NELL1: variants seen among roughly 807,000 people sequenced by gnomAD.
NELL1 encodes the protein neural EGFL like 1.
Under a neutral mutation model 107.4 loss-of-function variants are expected in NELL1, and 76 were observed. The observed-to-expected ratio is 0.71, with a 90% CI of 0.59 to 0.86. The LOEUF (loss-of-function observed/expected upper bound fraction) is 0.86. Ranked by LOEUF, NELL1 falls within the 40% of genes least tolerant of loss-of-function variation. The probability of loss-of-function intolerance (pLI) is 0.00; values close to 1 mark genes in which losing one functional copy is unlikely to be tolerated. For missense variants in NELL1, 1,024 were observed against 1,005.5 expected (o/e 1.02, Z -0.25); for synonymous variants, 353 against 341.2 (o/e 1.03, Z -0.38).
At chr11:21,333,758 A>C (rs1396401688) in intron 14 of NELL1, among the ~76,000 whole-genome samples, 1 of 152,022 alleles carries the variant, frequency 6.6e-6, no homozygotes, top group Non-Finnish European at 1.5e-5. Flanking sequence ...TTCCTTGTCC[A>C]GTAAGTGACT....
intron 12 of NELL1, among the ~76,000 whole-genome samples, chr11:20,971,287 C>G (rs559764518): frequency 3.9e-5 from 6 of 151,976 alleles, no homozygotes; most frequent in African/African-American, 1.4e-4. Context: ...CCTTGAAAGA[C>G]ATTATGCATA....
intron 13 of NELL1, among the ~76,000 whole-genome samples, chr11:21,167,651 C>T (rs560384919): frequency 1.4e-4 from 21 of 151,974 alleles, no homozygotes; most frequent in African/African-American, 3.4e-4. Flanking sequence ...TTCCTGCCAC[C>T]GACCTTCTGG....
At chr11:21,219,868 C>T (rs1857710234) in intron 13 of NELL1, among the ~76,000 whole-genome samples, 1 of 152,178 alleles carries the variant, frequency 6.6e-6, no homozygotes, top group Admixed American at 6.5e-5. Flanking sequence ...CATTGACTCT[C>T]AGTTCTGCAG....
At chr11:21,147,580 C>T (rs1565083340) in intron 13 of NELL1, among the ~76,000 whole-genome samples, 1 of 151,918 alleles carries the variant, frequency 6.6e-6, no homozygotes, top group Non-Finnish European at 1.5e-5. Flanking sequence ...CGCCTGTAAT[C>T]CCAGCATTTT....
chr11:20,732,704 A>C (rs11025723), intron 2 of NELL1, among the ~76,000 whole-genome samples: 6 of 151,908 alleles, frequency 3.9e-5, no homozygotes, highest in African/African-American at 1.5e-4. Flanking sequence ...CCAGTTTGAC[A>C]TGAGTAATGA....
chr11:21,571,687 T>C (rs533955389), intron 18 of NELL1, among the ~76,000 whole-genome samples: 2 of 152,000 alleles, frequency 1.3e-5, no homozygotes, highest in African/African-American at 4.8e-5. Flanking sequence ...ATAATTAGAT[T>C]TGAGAAAGTC....
chr11:21,440,065 G>GA (rs1438643895), intron 15 of NELL1, among the ~76,000 whole-genome samples: 1 of 151,986 alleles, frequency 6.6e-6, no homozygotes, highest in East Asian at 1.9e-4. Flanking sequence ...ATTACATACA[G>GA]AAAAACCAAT....
At chr11:21,250,677 T>C (rs1198531442) in intron 14 of NELL1, among the ~76,000 whole-genome samples, 1 of 152,226 alleles carries the variant, frequency 6.6e-6, no homozygotes, top group African/African-American at 2.4e-5. Flanking sequence ...CCATAAATTG[T>C]ATTATCTTGA....
chr11:21,432,401 G>A (rs1047266255), intron 15 of NELL1, among the ~76,000 whole-genome samples: 26 of 152,020 alleles, frequency 1.7e-4, no homozygotes, highest in African/African-American at 5.8e-4. Flanking sequence ...TCATTATTGG[G>A]TCTTCAAGCC....
At chr11:20,712,656 T>C (rs1448972484) in intron 2 of NELL1, among the ~76,000 whole-genome samples, 3 of 152,240 alleles carry the variant, frequency 2.0e-5, no homozygotes, top group Non-Finnish European at 4.4e-5. Context: ...GATTCTCTTG[T>C]CCCATGGGGT....
chr11:21,270,332 T>C (rs1848715505), intron 14 of NELL1, among the ~76,000 whole-genome samples: 1 of 151,872 alleles, frequency 6.6e-6, no homozygotes, highest in Admixed American at 6.6e-5. Flanking sequence ...TAAAAGCAAA[T>C]GGAAGAAGAA....
intron 15 of NELL1, among the ~76,000 whole-genome samples, chr11:21,519,700 G>T (rs1184350995): frequency 6.6e-6 from 1 of 152,024 alleles, no homozygotes; most frequent in South Asian, 2.1e-4. Flanking sequence ...ATGAAGGATG[G>T]GGAATGTACA....
Position 21,534,530 on chromosome 11 carries a change from G to T in NELL1, c.1786+16G>T. The T allele has an allele frequency of 1.2e-6, 2 of 1,613,410 alleles. No homozygotes were observed. Among genetic ancestry groups the T allele is most frequent in the Non-Finnish European group, 1.7e-6 (2 of 1,179,586 alleles). ...TCCTGTATTGGTAAGCAGCTTTCAG[G>T]CATGCCCTCCAACTGCTTGGACCTT... On this transcript the variant is annotated intron_variant, in intron 16 of 19. Coordinates refer to ENST00000357134, the MANE Select transcript of NELL1 (RefSeq NM_006157.5).
chr11:21,496,823 T>C (rs1354772423), intron 15 of NELL1, among the ~76,000 whole-genome samples: 3 of 152,176 alleles, frequency 2.0e-5, no homozygotes, highest in African/African-American at 7.2e-5. Context: ...ACCATTCCTG[T>C]GTCTAAGCGT....
intron 13 of NELL1, among the ~76,000 whole-genome samples, chr11:21,187,516 T>C (rs1483929219): frequency 1.3e-5 from 2 of 151,826 alleles, no homozygotes; most frequent in Non-Finnish European, 2.9e-5. Context: ...CATTGACTGG[T>C]CTATTAAGCA....
chr11:21,414,992 G>A (rs1852475850), intron 15 of NELL1, among the ~76,000 whole-genome samples: 1 of 151,960 alleles, frequency 6.6e-6, no homozygotes, highest in African/African-American at 2.4e-5. Flanking sequence ...GCATAAGCAG[G>A]AAAAGAAGAC....
intron 2 of NELL1, among the ~76,000 whole-genome samples, chr11:20,740,951 T>C (rs1855875790): frequency 6.6e-6 from 1 of 152,128 alleles, no homozygotes; most frequent in Non-Finnish European, 1.5e-5. Flanking sequence ...CTGTTCCTTC[T>C]GATGTTCCCT....
chr11:21,330,280 A>G (rs1850241959), intron 14 of NELL1, among the ~76,000 whole-genome samples: 1 of 152,130 alleles, frequency 6.6e-6, no homozygotes, highest in African/African-American at 2.4e-5. Context: ...ATGCATTTAT[A>G]CTGTCTTTAA....
intron 15 of NELL1, among the ~76,000 whole-genome samples, chr11:21,385,230 G>A (rs1003959643): frequency 6.6e-6 from 1 of 151,852 alleles, no homozygotes; most frequent in Non-Finnish European, 1.5e-5. Context: ...GAAGGGCAGG[G>A]GTTCTGTCTT....
Sources: gnomAD v4.1 joint callset for allele counts (sites outside exome capture counted in the v4.1 genomes callset) on GRCh38, gnomAD v4.1.1 for gene constraint, MANE v1.5 for transcripts, NCBI Gene and HGNC (gene_info 2026-07-23, HGNC 2026-07-21) for gene names.